The following VCL variants were observed in gnomAD, a reference collection of about 807,000 sequenced individuals.
The protein encoded by VCL is vinculin, also known as epididymis luminal protein 114.
Under a neutral mutation model 125.7 loss-of-function variants are expected in VCL, and 47 were observed. The ratio of observed to expected loss-of-function variants is 0.37; its 90% CI spans 0.30 to 0.48. The LOEUF is 0.48. VCL is among the 20% of genes least tolerant of loss of function. VCL has a pLI of 0.99. For missense variants in VCL, 1,069 were observed against 1,455.5 expected (o/e 0.73, Z 4.32); for synonymous variants, 458 against 514.6 (o/e 0.89, Z 1.49).
At chr10:74,026,160 C>G (rs907913077) in intron 1 of VCL, among the ~76,000 whole-genome samples, 7 of 152,202 alleles carry the variant, frequency 4.6e-5, no homozygotes, top group African/African-American at 1.7e-4. Context: ...GAAGATGGAG[C>G]CTCCATGTTG....
intron 1 of VCL, among the ~76,000 whole-genome samples, chr10:74,003,162 TC>T (rs1840261804): frequency 6.6e-5 from 10 of 151,816 alleles, no homozygotes; most frequent in Admixed American, 6.6e-4. Context: ...AACTTCTGCC[TC>T]CCGGGTTCAA....
At chr10:74,014,722 T>C (rs2136229176) in intron 1 of VCL, among the ~76,000 whole-genome samples, 1 of 152,304 alleles carries the variant, frequency 6.6e-6, no homozygotes, top group Admixed American at 6.5e-5. Context: ...TGAGACAGGG[T>C]CTCACTCTGT....
chr10:74,035,295 C>T (rs1160470653), intron 1 of VCL, among the ~76,000 whole-genome samples: 1 of 150,624 alleles, frequency 6.6e-6, no homozygotes, highest in Non-Finnish European at 1.5e-5. Context: ...AATCTCTCTA[C>T]ATTACCAAAC....
intron 2 of VCL, 125 bp downstream of exon 2, chr10:74,043,278 CTTTT>C: frequency 1.2e-6 from 1 of 826,880 alleles, no homozygotes; most frequent in South Asian, 1.6e-5. Context: ...GAAATTTCAA[CTTTT>C]TTGTCTTCTA....
chr10:74,102,870 T>G (rs1840080203), intron 14 of VCL, among the ~76,000 whole-genome samples: 1 of 140,958 alleles, frequency 7.1e-6, no homozygotes, highest in Non-Finnish European at 1.5e-5. Flanking sequence ...CCTCTGTGAG[T>G]TTTTTTTTTT....
intron 1 of VCL, among the ~76,000 whole-genome samples, chr10:74,002,496 T>C (rs544379447): frequency 6.6e-6 from 1 of 152,326 alleles, no homozygotes; most frequent in South Asian, 2.1e-4. Context: ...AGATTACTTT[T>C]GATTGGAGAA....
chr10:74,008,325 CAA>C (rs1017812958), intron 1 of VCL, among the ~76,000 whole-genome samples: 1 of 152,072 alleles, frequency 6.6e-6, no homozygotes, highest in African/African-American at 2.4e-5. Flanking sequence ...TTTGAGATAA[CAA>C]AAGTGTTCAG....
At chr10:74,084,479 G>GA (rs1173195622) in intron 8 of VCL, among the ~76,000 whole-genome samples, 1 of 151,498 alleles carries the variant, frequency 6.6e-6, no homozygotes, top group Non-Finnish European at 1.5e-5. Flanking sequence ...TTTTAGTAGA[G>GA]ACAGGGTTTT....
intron 1 of VCL, among the ~76,000 whole-genome samples, chr10:74,008,814 T>C (rs920553800): frequency 2.5e-4 from 38 of 152,252 alleles, no homozygotes; most frequent in African/African-American, 8.9e-4. Flanking sequence ...TGTTTCTTTC[T>C]AGAATATGCT....
intron 14 of VCL, 118 bp from the exon 15 acceptor site, chr10:74,103,702 C>A: frequency 1.1e-6 from 1 of 929,944 alleles, no homozygotes. Flanking sequence ...TGAAAAGAGA[C>A]TTGCCACTTT....
intron 2 of VCL, among the ~76,000 whole-genome samples, chr10:74,043,497 C>A (rs1227836221): frequency 6.6e-6 from 1 of 152,004 alleles, no homozygotes; most frequent in Non-Finnish European, 1.5e-5. Flanking sequence ...TAGGCGCGTG[C>A]CACCATCCCT....
intron 1 of VCL, among the ~76,000 whole-genome samples, chr10:74,022,526 A>T (rs2136234518): frequency 6.6e-6 from 1 of 152,032 alleles, no homozygotes; most frequent in South Asian, 2.1e-4. Flanking sequence ...AGCTTGGGTG[A>T]CAGAGCGAGA....
intron 1 of VCL, among the ~76,000 whole-genome samples, chr10:74,018,199 T>TATATATATATATATATATAA: frequency 7.1e-6 from 1 of 141,406 alleles, no homozygotes; most frequent in Non-Finnish European, 1.5e-5. Flanking sequence ...TATATATATA[T>TATATATATATATATATATAA]ATAAATACAT....
intron 1 of VCL, among the ~76,000 whole-genome samples, chr10:74,012,342 G>C (rs1164299516): frequency 6.6e-6 from 1 of 152,128 alleles, no homozygotes; most frequent in East Asian, 1.9e-4. Flanking sequence ...TCCCCAAATA[G>C]TAAAGTTACT....
intron 1 of VCL, among the ~76,000 whole-genome samples, chr10:74,007,018 T>C (rs769612568): frequency 1.3e-5 from 2 of 152,124 alleles, no homozygotes; most frequent in Non-Finnish European, 2.9e-5. Context: ...CAGGCTGGAG[T>C]GCAGTGGCAC....
intron 15 of VCL, among the ~76,000 whole-genome samples, chr10:74,104,130 T>G (rs1840098477): frequency 6.6e-6 from 1 of 152,178 alleles, no homozygotes; most frequent in Admixed American, 6.5e-5. Context: ...AGAGAGACTC[T>G]TTGAGTCTCT....
intron 2 of VCL, among the ~76,000 whole-genome samples, chr10:74,053,769 C>G (rs1189390121): frequency 6.6e-6 from 1 of 151,966 alleles, no homozygotes; most frequent in East Asian, 1.9e-4. Flanking sequence ...CGCCACCATG[C>G]CTGGCTAATT....
chr10:74,107,155 C>T (rs1306347751), intron 16 of VCL, 75 bp from the exon 17 acceptor site: 1 of 1,611,586 alleles, frequency 6.2e-7, no homozygotes, highest in Non-Finnish European at 8.5e-7. Flanking sequence ...TTCATGGAAC[C>T]AGTTCTGCTG....
chr10:74,061,013 A>T (rs939241505), intron 2 of VCL, among the ~76,000 whole-genome samples: 1 of 152,088 alleles, frequency 6.6e-6, no homozygotes, highest in African/African-American at 2.4e-5. Context: ...AAAGGGAGAG[A>T]GAAGTACTAG....
Sources: allele counts gnomAD v4.1 joint callset (sites outside exome capture counted in the v4.1 genomes callset), GRCh38; gene constraint gnomAD v4.1.1; transcripts MANE v1.5; gene names NCBI Gene and HGNC (gene_info 2026-07-23, HGNC 2026-07-21).